TRPC6: variants seen among roughly 807,000 people sequenced by gnomAD.
TRPC6 encodes the protein transient receptor potential cation channel subfamily C member 6.
Under a neutral mutation model 90.7 loss-of-function variants are expected in TRPC6, and 55 were observed. The observed-to-expected ratio is 0.61, with a 90% CI of 0.49 to 0.76. The LOEUF (loss-of-function observed/expected upper bound fraction) is 0.76, where lower values mean the gene tolerates loss of function less well. Ranked by LOEUF, TRPC6 falls within the 30% of genes least tolerant of loss-of-function variation. The pLI is 0.00. For missense variants in TRPC6, 989 were observed against 1,122.7 expected (o/e 0.88, Z 1.70); for synonymous variants, 393 against 393.0 (o/e 1.00, Z 0.00).
At chr11:101,550,991 G>A (rs1464561832) in intron 1 of TRPC6, among the ~76,000 whole-genome samples, 1 of 151,576 alleles carries the variant, frequency 6.6e-6, no homozygotes, top group African/African-American at 2.4e-5. Context: ...GTGCTACAAT[G>A]ACCAAAATTA....
chr11:101,531,269 A>C (rs1241054138), intron 1 of TRPC6, among the ~76,000 whole-genome samples: 3 of 152,172 alleles, frequency 2.0e-5, no homozygotes, highest in African/African-American at 7.2e-5. Context: ...CCCCATAAGA[A>C]CTCTATGAGG....
At chr11:101,512,437 T>C (rs572535811) in intron 1 of TRPC6, among the ~76,000 whole-genome samples, 1 of 152,342 alleles carries the variant, frequency 6.6e-6, no homozygotes, top group South Asian at 2.1e-4. Context: ...GAACTCAAAC[T>C]GTGTGAGAGA....
chr11:101,493,261 A>T lies in TRPC6; in HGVS notation c.946-1523T>A, dbSNP rs138790623. On this transcript the variant is annotated intron_variant, in intron 2 of 12. Coordinates refer to ENST00000344327, the MANE Select transcript of TRPC6 (RefSeq NM_004621.6). ...TAATGATAGCTGATGAACTTAAAAAATTTTCACAAAGAAATCTCATAATGT... is the reference window on the plus strand; with the variant it reads ...TAATGATAGCTGATGAACTTAAAAATTTTTCACAAAGAAATCTCATAATGT... Among the ~76,000 whole-genome samples the T allele has an allele frequency of 3.8e-3, 580 of 152,276 alleles. 1 individual carries two copies. Among genetic ancestry groups the T allele is most frequent in the African/African-American group, 0.013 (559 of 41,558 alleles).
intron 1 of TRPC6, among the ~76,000 whole-genome samples, chr11:101,564,875 A>G (rs1331201914): frequency 2.6e-5 from 4 of 152,152 alleles, no homozygotes. Flanking sequence ...ACAGACACAT[A>G]GATCAATAGA....
rs199611561 is a variant in TRPC6 at position 101,473,508 on chromosome 11, C to G, written c.2009+1G>C. On this transcript the variant is annotated splice_donor_variant, in intron 7 of 12. Transcript: ENST00000344327. LOFTEE classifies it high-confidence loss of function. ...TCATCAAAATATCTGAGATCACATA[C>G]GTTGTGAAGGCTTCATTTTGTTTTG... 1.1e-5 allele frequency: 17 copies of G among 1,612,866 alleles called. No individual in the cohort carries two copies. Among genetic ancestry groups the G allele is most frequent in the Non-Finnish European group, 1.4e-5 (17 of 1,179,348 alleles).
At chr11:101,569,206 G>T (rs1310522619) in intron 1 of TRPC6, among the ~76,000 whole-genome samples, 1 of 151,082 alleles carries the variant, frequency 6.6e-6, no homozygotes, top group Non-Finnish European at 1.5e-5. Flanking sequence ...AAAAAAAGCA[G>T]GGGTTGCAGT....
At chr11:101,565,782 A>G (rs1255935508) in intron 1 of TRPC6, among the ~76,000 whole-genome samples, 1 of 152,104 alleles carries the variant, frequency 6.6e-6, no homozygotes, top group Non-Finnish European at 1.5e-5. Context: ...CCTAAATAGC[A>G]TAATTTTTTA....
intron 1 of TRPC6, among the ~76,000 whole-genome samples, chr11:101,521,830 C>T (rs1860667362): frequency 6.6e-6 from 1 of 152,182 alleles, no homozygotes; most frequent in Non-Finnish European, 1.5e-5. Flanking sequence ...TTAATAACTG[C>T]CCCGCTGGGT....
chr11:101,455,985 TTAA>T (rs1375999487), intron 10 of TRPC6, among the ~76,000 whole-genome samples: 4 of 152,142 alleles, frequency 2.6e-5, no homozygotes, highest in Non-Finnish European at 4.4e-5. Context: ...ATTGATAAGA[TTAA>T]TAATAAACAA....
intron 5 of TRPC6, among the ~76,000 whole-genome samples, chr11:101,477,050 C>T (rs1337217243): frequency 6.6e-6 from 1 of 152,004 alleles, no homozygotes; most frequent in Non-Finnish European, 1.5e-5. Context: ...TGTCCAAGGC[C>T]GTGTCTCCCC....
chr11:101,504,171 C>T lies in TRPC6; in HGVS notation c.798G>A (p.Ser266=), dbSNP rs370013734. Residue 266 remains serine (S), a synonymous_variant, in exon 2 of 13, where the codon TCG becomes TCA. Transcript: ENST00000344327. ...TAATCCTAGATCTGGAGTGGCTAAA[C>T]GAGTCATGCTTCTGTTTCTGGTTGC... ...NDCNQKQKHD[S]FSHSRSRINA... The T allele has an allele frequency of 5.0e-6, 8 of 1,614,112 alleles. No individual in the cohort carries two copies. The highest frequency in any genetic ancestry group is 3.3e-5 in the Admixed American group (2 of 60,002).
rs931599881 is a variant in TRPC6, at chr11:101,504,495, G to A, written c.474C>T (p.Leu158=). ...GAAGCAAAGCATCCCCAACTCGAGAGAGGTTTTCTTTCTTGAGAAGAAGTT... is the reference window on the plus strand; with the variant it reads ...GAAGCAAAGCATCCCCAACTCGAGAAAGGTTTTCTTTCTTGAGAAGAAGTT... ...ITELLLKKEN[L]SRVGDALLLA... is the part of the protein sequence containing the mutation. The change falls in exon 2 of 13, where the codon CTC becomes CTT. Residue 158 remains leucine, a synonymous_variant. Transcript: ENST00000344327. 2 of 1,613,984 alleles carry A rather than the reference G, an allele frequency of 1.2e-6. No homozygotes were observed. The highest frequency in any genetic ancestry group is 1.7e-6 in the Non-Finnish European group (2 of 1,180,012).
rs1435485220 is a variant in TRPC6, at chr11:101,583,411, A to G, written c.93T>C (p.Tyr31=). Residue 31 remains tyrosine, a synonymous_variant, in exon 1 of 13, where the codon TAT becomes TAC. Transcript: ENST00000344327. ...CTCCCAGCTCCGAGTCCATGAGCAG[A>G]TAGTCCTGGCTCTCGTTGCGCCGCG... ...AAARRNESQD[Y]LLMDSELGED... 6.3e-7 allele frequency: 1 copy of G among 1,582,236 alleles called. No homozygotes were observed. The highest frequency in any genetic ancestry group is 1.7e-5 in the Admixed American group (1 of 57,302).
At chr11:101,550,673 T>C (rs1366390872) in intron 1 of TRPC6, among the ~76,000 whole-genome samples, 5 of 151,772 alleles carry the variant, frequency 3.3e-5, no homozygotes, top group African/African-American at 4.8e-5. Context: ...AAATGTTTCC[T>C]AAGGCCTTTG....
chr11:101,511,937 G>T (rs1327679551), intron 1 of TRPC6, among the ~76,000 whole-genome samples: 1 of 152,046 alleles, frequency 6.6e-6, no homozygotes, highest in Non-Finnish European at 1.5e-5. Context: ...AGGTTGCAGT[G>T]AGCCGAGATC....
At chr11:101,454,788 T>C (rs565950487) in intron 11 of TRPC6, among the ~76,000 whole-genome samples, 74 of 151,910 alleles carry the variant, frequency 4.9e-4, no homozygotes, top group African/African-American at 1.7e-3. Flanking sequence ...ATGAACACTC[T>C]CTTTTTTAAT....
chr11:101,530,235 C>A (rs1477236834), intron 1 of TRPC6, among the ~76,000 whole-genome samples: 1 of 152,148 alleles, frequency 6.6e-6, no homozygotes, highest in Admixed American at 6.5e-5. Context: ...CCCCTATAAA[C>A]TGCAGTCTGA....
chr11:101,516,863 G>A (rs756545074), intron 1 of TRPC6, among the ~76,000 whole-genome samples: 3 of 152,222 alleles, frequency 2.0e-5, no homozygotes, highest in Non-Finnish European at 4.4e-5. Flanking sequence ...AAAAGAGCAG[G>A]TCAGAACACA....
intron 1 of TRPC6, among the ~76,000 whole-genome samples, chr11:101,543,331 G>A (rs1275525207): frequency 1.3e-5 from 2 of 151,892 alleles, no homozygotes; most frequent in Non-Finnish European, 1.5e-5. Flanking sequence ...TGTACTCTAT[G>A]ACCATGCAAT....
Sources: gnomAD v4.1 joint callset for allele counts (sites outside exome capture counted in the v4.1 genomes callset) on GRCh38, gnomAD v4.1.1 for gene constraint, MANE v1.5 for transcripts, NCBI Gene and HGNC (gene_info 2026-07-23, HGNC 2026-07-21) for gene names.